ARHGAP31: variants seen among roughly 807,000 people sequenced by gnomAD.
The protein encoded by ARHGAP31 is rho GTPase-activating protein 31.
Under a neutral mutation model 113.9 loss-of-function variants are expected in ARHGAP31, and 34 were observed. The observed-to-expected ratio is 0.30, with a 90% CI of 0.23 to 0.40. The LOEUF (loss-of-function observed/expected upper bound fraction) is 0.40. Among genes scored for constraint, ARHGAP31 ranks in the 10% least tolerant of loss-of-function variants. The pLI is 1.00. For synonymous variants in ARHGAP31, 650 were observed against 684.8 expected, an observed-to-expected ratio of 0.95 and a Z score of 0.79; for missense variants, 1,548 against 1,767.1, an observed-to-expected ratio of 0.88 and a Z score of 2.22.
At chr3:119,411,372 A>C (rs1438273032) in intron 11 of ARHGAP31, among the ~76,000 whole-genome samples, 1 of 151,256 alleles carries the variant, frequency 6.6e-6, no homozygotes, top group Non-Finnish European at 1.5e-5. Flanking sequence ...CCATGGGGAT[A>C]GAAATGAAGG....
intron 3 of ARHGAP31, among the ~76,000 whole-genome samples, chr3:119,374,631 C>G (rs2080331550): frequency 6.6e-6 from 1 of 152,122 alleles, no homozygotes; most frequent in African/African-American, 2.4e-5. Context: ...CTCACAAGAT[C>G]TGATGGTTCA....
intron 1 of ARHGAP31, among the ~76,000 whole-genome samples, chr3:119,310,678 C>T (rs184251191): frequency 6.6e-6 from 1 of 152,236 alleles, no homozygotes; most frequent in Non-Finnish European, 1.5e-5. Flanking sequence ...CATTCCCCAC[C>T]ACCATGGAAA....
chr3:119,372,251 C>T (rs1424717812), intron 3 of ARHGAP31, among the ~76,000 whole-genome samples: 1 of 151,766 alleles, frequency 6.6e-6, no homozygotes, highest in African/African-American at 2.4e-5. Flanking sequence ...TCATTTCTCC[C>T]CAACCTCACC....
At chr3:119,298,444 T>G (rs2079552178) in intron 1 of ARHGAP31, among the ~76,000 whole-genome samples, 1 of 152,210 alleles carries the variant, frequency 6.6e-6, no homozygotes, top group South Asian at 2.1e-4. Context: ...CATGGTTGTT[T>G]CCTACCTCTC....
At chr3:119,374,688 T>C (rs917425111) in intron 3 of ARHGAP31, among the ~76,000 whole-genome samples, 4 of 152,150 alleles carry the variant, frequency 2.6e-5, no homozygotes, top group African/African-American at 9.7e-5. Flanking sequence ...TCACTCCTGC[T>C]CCGCTGTGGT....
chr3:119,384,592 G>A (rs1469598625), intron 6 of ARHGAP31, among the ~76,000 whole-genome samples: 1 of 152,132 alleles, frequency 6.6e-6, no homozygotes, highest in Non-Finnish European at 1.5e-5. Flanking sequence ...GAGAATGAGG[G>A]CTGAACTTGG....
intron 10 of ARHGAP31, among the ~76,000 whole-genome samples, chr3:119,406,497 G>A (rs966246197): frequency 6.6e-6 from 1 of 152,172 alleles, no homozygotes; most frequent in African/African-American, 2.4e-5. Context: ...CAACCCAAAT[G>A]CCCCGCTTTA....
intron 3 of ARHGAP31, among the ~76,000 whole-genome samples, chr3:119,370,123 A>G (rs982374252): frequency 6.6e-6 from 1 of 152,174 alleles, no homozygotes; most frequent in African/African-American, 2.4e-5. Context: ...TCCTATCTGC[A>G]TGGGTAAGTT....
intron 1 of ARHGAP31, among the ~76,000 whole-genome samples, chr3:119,297,509 T>C (rs964503612): frequency 2.8e-5 from 2 of 70,262 alleles, no homozygotes; most frequent in African/African-American, 3.5e-4. Context: ...TAGACCTGCA[T>C]TGAGAGGAAA....
rs2080794687 is a variant in ARHGAP31, at chr3:119,418,268, A to T, written c.*2004A>T. Reference sequence around the variant, plus strand: ...TGAACCAACAGCCAACGAGATATGAACCTGTAAGAAAAAAGTCCTAGAATA... The same window carrying T: ...TGAACCAACAGCCAACGAGATATGATCCTGTAAGAAAAAAGTCCTAGAATA... On this transcript the variant is annotated 3_prime_UTR_variant, in exon 12 of 12. Transcript: ENST00000264245. 6.6e-6 allele frequency: 1 copy of T among 152,156 alleles called. No homozygotes were observed. Among genetic ancestry groups the T allele is most frequent in the Non-Finnish European group, 1.5e-5 (1 of 68,032 alleles). The allele number at this position is 152,156 out of a possible 1,614,324, so 9.4% of individuals were successfully genotyped here. A position where few individuals can be genotyped will look rare whatever the true frequency, so the allele number is the denominator to read the frequency against.
At chr3:119,328,823 A>T (rs1341561651) in intron 1 of ARHGAP31, among the ~76,000 whole-genome samples, 2 of 151,950 alleles carry the variant, frequency 1.3e-5, no homozygotes, top group Non-Finnish European at 2.9e-5. Context: ...TGTATTTTTA[A>T]TAAAGATGGG....
Position 119,415,991 on chromosome 3 carries a change from C to T in ARHGAP31, c.4062C>T (p.Phe1354=). The T allele has an allele frequency of 6.2e-7, 1 of 1,614,194 alleles. No homozygotes were observed. The highest frequency in any genetic ancestry group is 8.5e-7 in the Non-Finnish European group (1 of 1,180,030). ...GCCTAATCTTATTCAGTCCTCCTTT[C>T]CCCATTATGGACCACCTGCCCCCTT... ...PQSLILFSPP[F]PIMDHLPPSS... is the part of the protein sequence containing the mutation. Residue 1354 remains phenylalanine, a synonymous_variant, in exon 12 of 12, where the codon TTC becomes TTT. Transcript: ENST00000264245.
At chr3:119,320,512 C>T (rs961316104) in intron 1 of ARHGAP31, among the ~76,000 whole-genome samples, 9 of 152,134 alleles carry the variant, frequency 5.9e-5, no homozygotes, top group Non-Finnish European at 5.9e-5. Context: ...AAAATATTAT[C>T]CTGATAAATA....
chr3:119,305,296 TTAA>T (rs1420167707), intron 1 of ARHGAP31, among the ~76,000 whole-genome samples: 6 of 152,214 alleles, frequency 3.9e-5, no homozygotes, highest in Non-Finnish European at 8.8e-5. Context: ...TTAGTTAGAC[TTAA>T]TAAAACTTCT....
At chr3:119,404,087 T>C (rs1327921850) in intron 10 of ARHGAP31, among the ~76,000 whole-genome samples, 1 of 152,008 alleles carries the variant, frequency 6.6e-6, no homozygotes, top group African/African-American at 2.4e-5. Context: ...TGGAAAACGA[T>C]GTCATGGGCT....
chr3:119,402,697 C>T (rs1416515103), intron 10 of ARHGAP31, among the ~76,000 whole-genome samples: 1 of 152,156 alleles, frequency 6.6e-6, no homozygotes, highest in Non-Finnish European at 1.5e-5. Context: ...ACAGTGTCTA[C>T]ATACAATAAG....
Position 119,415,353 on chromosome 3 carries a change from G to C in ARHGAP31, c.3424G>C (p.Val1142Leu), listed in dbSNP as rs781485119. Residue 1142 changes from valine to leucine, a missense_variant, in exon 12 of 12, where the codon GTC becomes CTC. By Grantham distance (32) the Val-to-Leu change is conservative. Coordinates refer to ENST00000264245, the MANE Select transcript of ARHGAP31 (RefSeq NM_020754.4). Reference sequence around the variant, plus strand: ...GGTCTCTGAGCCAGGAGACCCAAAGGTCACATGGATGACCTCATCTTACTG... The same window carrying C: ...GGTCTCTGAGCCAGGAGACCCAAAGCTCACATGGATGACCTCATCTTACTG... ...MQVSEPGDPK[V>L]TWMTSSYCKA... 1.2e-6 allele frequency: 2 copies of C among 1,614,030 alleles called. No homozygotes were observed. The highest frequency in any genetic ancestry group is 2.2e-5 in the East Asian group (1 of 44,872).
intron 1 of ARHGAP31, among the ~76,000 whole-genome samples, chr3:119,303,262 T>G (rs2079600822): frequency 6.6e-6 from 1 of 152,206 alleles, no homozygotes; most frequent in East Asian, 1.9e-4. Context: ...AAGCTCAGGA[T>G]AAGGCACATT....
In ARHGAP31 at chr3:119,295,078, G is replaced by GT. The variant is rs1436742767; in HGVS notation, c.100+75dup. 8.6e-6 allele frequency: 12 copies of GT among 1,402,122 alleles called. No homozygotes were observed. In the Admixed American group the frequency reaches 2.0e-4, roughly 24 times the overall value. 86.9% of individuals were successfully genotyped at this position (1,402,122 alleles called of 1,614,324 possible). Reference sequence around the variant, plus strand: ...AGGGAGAGACGGACTCTCTCGAGTTGTGATAGAGTCGGTTCACAAGTTAAT... The same window carrying GT: ...AGGGAGAGACGGACTCTCTCGAGTTGTTGATAGAGTCGGTTCACAAGTTAAT... On this transcript the variant is annotated intron_variant, in intron 1 of 11. Coordinates refer to ENST00000264245, the MANE Select transcript of ARHGAP31 (RefSeq NM_020754.4).
Sources: gnomAD v4.1 joint callset for allele counts (sites outside exome capture counted in the v4.1 genomes callset) on GRCh38, gnomAD v4.1.1 for gene constraint, MANE v1.5 for transcripts, NCBI Gene and HGNC (gene_info 2026-07-23, HGNC 2026-07-21) for gene names.